The following SLC71A2 variants were observed in gnomAD, a reference collection of about 807,000 sequenced individuals.
The protein encoded by SLC71A2 is solute carrier family 71 member 2.
At chr9:94,454,416 G>T in the SLC71A2 span, among the ~76,000 whole-genome samples, 5 of 152,164 alleles carry the variant, frequency 3.3e-5, no homozygotes, top group East Asian at 9.7e-4. Flanking sequence ...TGCCCAGGCT[G>T]GAGTACAGTG....
chr9:94,391,936 T>C, the SLC71A2 span, among the ~76,000 whole-genome samples: 1 of 152,144 alleles, frequency 6.6e-6, no homozygotes, highest in Non-Finnish European at 1.5e-5. Flanking sequence ...CAGGCTGGTC[T>C]TGAACCCCTG....
At chr9:94,411,916 G>A in the SLC71A2 span, among the ~76,000 whole-genome samples, 3 of 152,148 alleles carry the variant, frequency 2.0e-5, no homozygotes, top group African/African-American at 7.2e-5. Flanking sequence ...CTGTTACAGT[G>A]TTTTAGCTTT....
the SLC71A2 span, among the ~76,000 whole-genome samples, chr9:94,388,387 C>T: frequency 6.6e-6 from 1 of 152,142 alleles, no homozygotes; most frequent in South Asian, 2.1e-4. Flanking sequence ...TACCCATTGA[C>T]CTGGCAATCA....
At chr9:94,408,353 C>T in the SLC71A2 span, among the ~76,000 whole-genome samples, 2 of 152,134 alleles carry the variant, frequency 1.3e-5, no homozygotes. Context: ...TGGTACTTTT[C>T]GAGGCATCCA....
the SLC71A2 span, among the ~76,000 whole-genome samples, chr9:94,401,075 A>C: frequency 6.7e-6 from 1 of 148,950 alleles, no homozygotes; most frequent in African/African-American, 2.5e-5. Flanking sequence ...CATAATGAAC[A>C]TCTTTTCTTT....
the SLC71A2 span, among the ~76,000 whole-genome samples, chr9:94,411,575 T>G: frequency 6.6e-6 from 1 of 151,250 alleles, no homozygotes; most frequent in South Asian, 2.1e-4. Context: ...AATTATTCCT[T>G]TCTTCATTCG....
the SLC71A2 span, among the ~76,000 whole-genome samples, chr9:94,397,968 T>C: frequency 1.3e-5 from 2 of 152,196 alleles, no homozygotes; most frequent in Non-Finnish European, 2.9e-5. Flanking sequence ...GAAGTCACTA[T>C]GTGCAGCCCA....
the SLC71A2 span, chr9:94,440,861 A>ATAC: frequency 1.9e-6 from 1 of 520,796 alleles, no homozygotes; most frequent in East Asian, 3.1e-5. Flanking sequence ...ATATTTAAGT[A>ATAC]TACATACATA....
the SLC71A2 span, chr9:94,446,902 G>A: frequency 6.2e-7 from 1 of 1,610,222 alleles, no homozygotes; most frequent in Non-Finnish European, 8.5e-7. Flanking sequence ...CCTGAAGCTG[G>A]ACAGTATTCA....
At chr9:94,376,486 T>C in the SLC71A2 span, among the ~76,000 whole-genome samples, 1 of 152,036 alleles carries the variant, frequency 6.6e-6, no homozygotes, top group African/African-American at 2.4e-5. Context: ...TCATTACTGC[T>C]GTCCTTAATT....
At chr9:94,407,496 C>T in the SLC71A2 span, among the ~76,000 whole-genome samples, 7 of 151,938 alleles carry the variant, frequency 4.6e-5, no homozygotes, top group South Asian at 2.1e-4. Flanking sequence ...TTCTGGCCTC[C>T]GTCACCTGAG....
chr9:94,458,452 C>G, the SLC71A2 span: 1 of 1,613,826 alleles, frequency 6.2e-7, no homozygotes, highest in Non-Finnish European at 8.5e-7. Flanking sequence ...ATTCTAACAA[C>G]GTTCCCCTGC....
chr9:94,415,651 T>C, the SLC71A2 span, among the ~76,000 whole-genome samples: 1 of 152,120 alleles, frequency 6.6e-6, no homozygotes, highest in Admixed American at 6.6e-5. Flanking sequence ...CTGTTCCACC[T>C]CAGACCATCA....
the SLC71A2 span, among the ~76,000 whole-genome samples, chr9:94,389,267 T>C: frequency 1.4e-5 from 2 of 141,310 alleles, no homozygotes; most frequent in East Asian, 3.9e-4. Context: ...TGCACTTAAT[T>C]CTGGTTTTTT....
chr9:94,406,912 A>G, the SLC71A2 span, among the ~76,000 whole-genome samples: 2 of 152,044 alleles, frequency 1.3e-5, no homozygotes, highest in Non-Finnish European at 2.9e-5. Flanking sequence ...TTGCCGTATT[A>G]CTCTGGCTAG....
the SLC71A2 span, among the ~76,000 whole-genome samples, chr9:94,397,951 T>G: frequency 6.6e-6 from 1 of 152,148 alleles, no homozygotes; most frequent in Admixed American, 6.6e-5. Flanking sequence ...ACTGTACACT[T>G]TGGAAGGAAG....
chr9:94,414,243 C>G, the SLC71A2 span, among the ~76,000 whole-genome samples: 5 of 152,240 alleles, frequency 3.3e-5, no homozygotes, highest in South Asian at 8.3e-4. Context: ...AAAGTTCACT[C>G]TGAGTGTAAT....
At chr9:94,415,248 T>C in the SLC71A2 span, 2 of 1,610,390 alleles carry the variant, frequency 1.2e-6, no homozygotes, top group Admixed American at 1.7e-5. Context: ...AACTCCAATG[T>C]TGACTGTAAG....
the SLC71A2 span, among the ~76,000 whole-genome samples, chr9:94,420,083 G>C: frequency 1.3e-5 from 2 of 152,130 alleles, no homozygotes; most frequent in Non-Finnish European, 2.9e-5. Context: ...TGAAATCTCT[G>C]TATGTGCAGC....
Sources: allele counts gnomAD v4.1 joint callset (sites outside exome capture counted in the v4.1 genomes callset), GRCh38; gene constraint gnomAD v4.1.1; transcripts MANE v1.5; gene names NCBI Gene and HGNC (gene_info 2026-07-23, HGNC 2026-07-21).